The following LIN28A variants were observed in gnomAD, a reference collection of about 807,000 sequenced individuals.
LIN28A encodes lin-28 RNA binding posttranscriptional regulator A, also known as protein lin-28 homolog A.
A neutral mutation model predicts 21.1 loss-of-function variants in LIN28A; 11 were observed. The ratio of observed to expected loss-of-function variants is 0.52; its 90% CI spans 0.33 to 0.86. LIN28A has a LOEUF of 0.86. Among genes scored for constraint, LIN28A ranks in the 40% least tolerant of loss-of-function variants. The pLI, the probability that LIN28A is intolerant of heterozygous loss-of-function variation, is 0.03. For synonymous variants in LIN28A, 111 were observed against 108.7 expected (o/e 1.02, Z -0.13); for missense variants, 219 against 279.8 (o/e 0.78, Z 1.55).
Position 26,410,895 on chromosome 1 carries a change from G to A in LIN28A, c.4G>A (p.Gly2Ser), listed in dbSNP as rs752902726. 2 of 1,610,230 alleles carry A rather than the reference G, an allele frequency of 1.2e-6. No homozygotes were observed. Among genetic ancestry groups the A allele is most frequent in the Non-Finnish European group, 1.7e-6 (2 of 1,178,996 alleles). M[G>S]SVSNQQFAGG... is the part of the protein sequence containing the mutation. ...GCCACGGGCTCAGCCGACGACCATGGGCTCCGTGTCCAACCAGCAGTTTGC... is the reference window on the plus strand; with the variant it reads ...GCCACGGGCTCAGCCGACGACCATGAGCTCCGTGTCCAACCAGCAGTTTGC... Residue 2 changes from glycine to serine, a missense_variant, in exon 1 of 4, where the codon GGC (glycine) becomes AGC (serine). Physicochemically the swap from Gly to Ser is moderately conservative, Grantham distance 56 (BLOSUM62 0). Coordinates refer to ENST00000326279, the MANE Select transcript of LIN28A (RefSeq NM_024674.6).
At position 26,426,674 on chromosome 1, in the gene LIN28A, G is replaced by T; in HGVS notation, c.*216G>T. ...CTGTCCAAATGCAAGTGAGGGTTCT[G>T]GGGGCAACCAGGAGGGGGGAATCAC... On this transcript the variant is annotated 3_prime_UTR_variant, in exon 4 of 4. Coordinates refer to ENST00000326279, the MANE Select transcript of LIN28A (RefSeq NM_024674.6). 1 of 544,332 alleles carries T rather than the reference G, an allele frequency of 1.8e-6. No individual in the cohort carries two copies. The highest frequency in any genetic ancestry group is 3.4e-6 in the Non-Finnish European group (1 of 297,792). 33.7% of individuals were successfully genotyped at this position (544,332 alleles called of 1,614,324 possible). A position where few individuals can be genotyped will look rare whatever the true frequency, so the allele number is the denominator to read the frequency against.
At chr1:26,418,371 C>A (rs920614578) in intron 2 of LIN28A, among the ~76,000 whole-genome samples, 2 of 151,968 alleles carry the variant, frequency 1.3e-5, no homozygotes, top group African/African-American at 4.8e-5. Context: ...GCGGTGAAAC[C>A]CCGTCTCTAC....
At chr1:26,413,887 GCATGATCTC>G (rs1182676746) in intron 2 of LIN28A, among the ~76,000 whole-genome samples, 1 of 144,396 alleles carries the variant, frequency 6.9e-6, no homozygotes, top group Non-Finnish European at 1.5e-5. Flanking sequence ...GAGTGCAATG[GCATGATCTC>G]CACTCACCGC....
At chr1:26,424,656 T>TA (rs1255432466) in intron 2 of LIN28A, among the ~76,000 whole-genome samples, 1 of 152,244 alleles carries the variant, frequency 6.6e-6, no homozygotes, top group Non-Finnish European at 1.5e-5. Flanking sequence ...CTGCAACCTC[T>TA]ATAGTGTGAC....
intron 2 of LIN28A, among the ~76,000 whole-genome samples, chr1:26,419,078 G>A (rs1237878709): frequency 2.0e-5 from 3 of 152,106 alleles, no homozygotes; most frequent in Non-Finnish European, 2.9e-5. Context: ...TCTTTTTGGA[G>A]GGGATGGGGA....
chr1:26,418,528 A>G (rs986130098), intron 2 of LIN28A, among the ~76,000 whole-genome samples: 1 of 145,566 alleles, frequency 6.9e-6, no homozygotes, highest in Non-Finnish European at 1.5e-5. Context: ...CCTGGGCAAC[A>G]GAGCCAGACT....
In LIN28A at chr1:26,425,347, G is replaced by A; in HGVS notation, c.273G>A (p.Glu91=). Residue 91 remains glutamate (E), a synonymous_variant, in exon 3 of 4, where the codon GAG becomes GAA. Transcript: ENST00000326279. ...GGTTCCGGAGCTTGAAGGAGGGTGAGGCAGTGGAGTTCACCTTTAAGAAGT... is the reference window on the plus strand; with the variant it reads ...GGTTCCGGAGCTTGAAGGAGGGTGAAGCAGTGGAGTTCACCTTTAAGAAGT... ...MEGFRSLKEG[E]AVEFTFKKSA... is the part of the protein sequence containing the mutation. The A allele has an allele frequency of 1.9e-6, 3 of 1,614,036 alleles. No individual in the cohort carries two copies. Among genetic ancestry groups the A allele is most frequent in the Non-Finnish European group, 2.5e-6 (3 of 1,180,030 alleles).
chr1:26,411,238 T>A lies in LIN28A; in HGVS notation c.32-148T>A. ...AGGGGAACGCGGGAGGCGACCGGGA[T>A]AGGTTTCTTCTCTTCTGTTGCTTGG... On this transcript the variant is annotated intron_variant, in intron 1 of 3. Coordinates refer to ENST00000326279, the MANE Select transcript of LIN28A (RefSeq NM_024674.6). This position sits in a 1 kb window ranked among gnomAD's most constrained non-coding sequence, Gnocchi z 5.4. 1.2e-6 allele frequency: 1 copy of A among 813,016 alleles called. No individual in the cohort carries two copies. The highest frequency in any genetic ancestry group is 1.9e-6 in the Non-Finnish European group (1 of 535,410). 50.4% of individuals were successfully genotyped at this position (813,016 alleles called of 1,614,324 possible). A position where few individuals can be genotyped will look rare whatever the true frequency, so the allele number is the denominator to read the frequency against.
rs1195958746 is a variant in LIN28A at position 26,426,424 on chromosome 1, A to C, written c.596A>C (p.His199Pro). Reference sequence around the variant, plus strand: ...TTTCGAGAGGAAGAAGAAGAAATCCACAGCCCTACCCTGCTCCCGGAGGCA... The same window carrying C: ...TTTCGAGAGGAAGAAGAAGAAATCCCCAGCCCTACCCTGCTCCCGGAGGCA... ...TYFREEEEEI[H>P]SPTLLPEAQN The change falls in exon 4 of 4, where the codon CAC becomes CCC. Residue 199 changes from histidine (H) to proline (P), a missense_variant. Transcript: ENST00000326279. The C allele has an allele frequency of 6.2e-7, 1 of 1,614,110 alleles. No homozygotes were observed. Among genetic ancestry groups the C allele is most frequent in the African/African-American group, 1.3e-5 (1 of 74,944 alleles).
At chr1:26,414,927 C>G (rs971899152) in intron 2 of LIN28A, among the ~76,000 whole-genome samples, 2 of 152,112 alleles carry the variant, frequency 1.3e-5, no homozygotes, top group Admixed American at 1.3e-4. Context: ...GCTAAACTGT[C>G]AACTATTTTC....
rs566022156 is a variant in LIN28A, at chr1:26,426,955, T to C, written c.*497T>C. On this transcript the variant is annotated 3_prime_UTR_variant, in exon 4 of 4. Coordinates refer to ENST00000326279, the MANE Select transcript of LIN28A (RefSeq NM_024674.6). ...ACTTTTGGGATAGGGTGCTGGCAGC[T>C]GTCCCAAGCAATGGGTAATGATGAT... is the stretch of plus-strand genomic sequence containing the variant. 2 of 168,972 alleles carry C rather than the reference T, an allele frequency of 1.2e-5. No homozygotes were observed. Among genetic ancestry groups the C allele is most frequent in the African/African-American group, 4.8e-5 (2 of 41,754 alleles). 10.5% of individuals were successfully genotyped at this position (168,972 alleles called of 1,614,324 possible).
rs1203419972 is a variant in LIN28A, at chr1:26,411,846, A to T, written c.228+264A>T. ...TGTCTATTACCTCTTTCCCCTGGGA[A>T]GGGGCAGGGGGCAGGGAGGTGACCC... On this transcript the variant is annotated intron_variant, in intron 2 of 3. Transcript: ENST00000326279. The surrounding 1 kb of genome is among the most constrained non-coding windows in gnomAD (Gnocchi z 5.4). Among the ~76,000 whole-genome samples, 1 of 152,152 alleles carries T rather than the reference A, an allele frequency of 6.6e-6. No individual in the cohort carries two copies. Among genetic ancestry groups the T allele is most frequent in the East Asian group, 1.9e-4 (1 of 5,186 alleles).
At chr1:26,417,966 C>T (rs1336740981) in intron 2 of LIN28A, among the ~76,000 whole-genome samples, 1 of 151,558 alleles carries the variant, frequency 6.6e-6, no homozygotes, top group Non-Finnish European at 1.5e-5. Flanking sequence ...ATTCTGTTGC[C>T]ACTTCTGGAG....
In LIN28A at chr1:26,411,489, G is replaced by A. The variant is rs755543459; in HGVS notation, c.135G>A (p.Lys45=). The part of the protein sequence containing the change: ...PQLLHGAGIC[K]WFNVRMGFGF... The stretch of plus-strand genomic sequence containing the variant: ...TGCTGCACGGTGCGGGCATCTGTAA[G>A]TGGTTCAACGTGCGCATGGGGTTCG... The change falls in exon 2 of 4, where the codon AAG becomes AAA. Residue 45 remains lysine, a synonymous_variant. Transcript: ENST00000326279. The surrounding 1 kb of genome is among the most constrained non-coding windows in gnomAD (Gnocchi z 5.4). 9.3e-6 allele frequency: 15 copies of A among 1,614,116 alleles called. No individual in the cohort carries two copies. The highest frequency in any genetic ancestry group is 1.3e-5 in the Non-Finnish European group (15 of 1,179,998).
In LIN28A at chr1:26,426,995, T is replaced by C. The variant is rs2075063586; in HGVS notation, c.*537T>C. 3 of 161,710 alleles carry C rather than the reference T, an allele frequency of 1.9e-5. No homozygotes were observed. Among genetic ancestry groups the C allele is most frequent in the Admixed American group, 1.8e-4 (3 of 17,106 alleles). The allele number at this position is 161,710 out of a possible 1,614,324, so 10.0% of individuals were successfully genotyped here. ...GTAATGATGATGGCAAAAAGGGTGT[T>C]TGGGGGAACAGCTGCAGACCTGCTG... is the stretch of plus-strand genomic sequence containing the variant. On this transcript the variant is annotated 3_prime_UTR_variant, in exon 4 of 4. Coordinates refer to ENST00000326279, the MANE Select transcript of LIN28A (RefSeq NM_024674.6).
chr1:26,414,064 G>A (rs150528455), intron 2 of LIN28A, among the ~76,000 whole-genome samples: 2,274 of 152,072 alleles, frequency 0.015, 24 homozygotes, highest in Middle Eastern at 0.058. Context: ...CCTGACCTCA[G>A]ATGATCCGCC....
At chr1:26,417,676 C>T (rs2075001745) in intron 2 of LIN28A, among the ~76,000 whole-genome samples, 1 of 152,164 alleles carries the variant, frequency 6.6e-6, no homozygotes, top group African/African-American at 2.4e-5. Context: ...CATATCACCC[C>T]ACTGCACCAG....
chr1:26,425,254 T>C (rs928674321), intron 2 of LIN28A, 49 bp from the exon 3 acceptor site: 2 of 1,567,488 alleles, frequency 1.3e-6, no homozygotes, highest in Non-Finnish European at 1.7e-6. Flanking sequence ...TGTCTTTTGG[T>C]ATAATAATGG....
chr1:26,413,862 T>TTG (rs2074977632), intron 2 of LIN28A, among the ~76,000 whole-genome samples: 1 of 146,596 alleles, frequency 6.8e-6, no homozygotes, highest in Non-Finnish European at 1.5e-5. Context: ...TGTTTGGCTC[T>TTG]TGTTGGCCAG....
Sources: gnomAD v4.1 joint callset for allele counts (sites outside exome capture counted in the v4.1 genomes callset) on GRCh38, gnomAD v4.1.1 for gene constraint, Gnocchi (gnomAD v3.1) non-coding constraint, MANE v1.5 for transcripts, NCBI Gene and HGNC (gene_info 2026-07-23, HGNC 2026-07-21) for gene names.